ZCWPW2: variants seen among roughly 807,000 people sequenced by gnomAD.
ZCWPW2 encodes zinc finger CW-type and PWWP domain containing 2, also known as zinc finger CW-type PWWP domain protein 2.
A neutral mutation model predicts 46.6 loss-of-function variants in ZCWPW2; 45 were observed. The ratio of observed to expected loss-of-function variants is 0.96; its 90% CI spans 0.76 to 1.24. The LOEUF (loss-of-function observed/expected upper bound fraction) is 1.24, where lower values mean the gene tolerates loss of function less well. Among genes scored for constraint, ZCWPW2 ranks in the 50% most tolerant of loss-of-function variants. ZCWPW2 has a pLI of 0.00. For synonymous variants in ZCWPW2, 152 were observed against 137.1 expected (o/e 1.11, Z -0.76); for missense variants, 429 against 403.9 (o/e 1.06, Z -0.53).
chr3:28,379,918 AC>A (rs1705620858), intron 1 of ZCWPW2, among the ~76,000 whole-genome samples: 1 of 152,128 alleles, frequency 6.6e-6, no homozygotes, highest in Non-Finnish European at 1.5e-5. Context: ...TAATCTTGGA[AC>A]AAAAACATTA....
chr3:28,364,413 A>G (rs181880026), intron 1 of ZCWPW2, among the ~76,000 whole-genome samples: 13 of 152,128 alleles, frequency 8.5e-5, no homozygotes, highest in Admixed American at 6.5e-4. Context: ...TTGTGCTGCT[A>G]TAAACATACG....
chr3:28,375,811 G>T (rs1204489754), intron 1 of ZCWPW2, among the ~76,000 whole-genome samples: 1 of 150,766 alleles, frequency 6.6e-6, no homozygotes, highest in African/African-American at 2.4e-5. Flanking sequence ...CTAACTTCTG[G>T]CAACCATTCT....
chr3:28,489,977 C>A (rs1197997776), intron 5 of ZCWPW2, among the ~76,000 whole-genome samples: 1 of 151,166 alleles, frequency 6.6e-6, no homozygotes, highest in Non-Finnish European at 1.5e-5. Context: ...TTATAATAAG[C>A]AAAAAATAAC....
At position 28,431,462 on chromosome 3, in the gene ZCWPW2, G is replaced by A. The variant is rs1284532146; in HGVS notation, c.333-3648G>A. Among the ~76,000 whole-genome samples, 3 of 151,910 alleles carry A rather than the reference G, an allele frequency of 2.0e-5. No individual in the cohort carries two copies. The South Asian group carries it at 6.2e-4, about 32-fold the overall frequency. On this transcript the variant is annotated intron_variant, in intron 3 of 9. Coordinates refer to ENST00000383768, the MANE Select transcript of ZCWPW2 (RefSeq NM_001040432.4). ...TATTTTCTTGCTGTGCCCTATCATG[G>A]TCTTCCTTCTGTGCATGTCTGTCTT...
At chr3:28,391,880 G>C (rs969222489) in intron 2 of ZCWPW2, among the ~76,000 whole-genome samples, 11 of 151,944 alleles carry the variant, frequency 7.2e-5, no homozygotes, top group Admixed American at 7.2e-4. Context: ...AGCCCCTAGA[G>C]AAAGACAGGA....
intron 3 of ZCWPW2, among the ~76,000 whole-genome samples, chr3:28,420,446 C>G (rs1409543559): frequency 6.6e-6 from 1 of 151,990 alleles, no homozygotes; most frequent in Non-Finnish European, 1.5e-5. Context: ...TCCTGATCCT[C>G]TCCCTCCTCC....
chr3:28,424,008 C>T (rs932631996), intron 3 of ZCWPW2, among the ~76,000 whole-genome samples: 2 of 151,918 alleles, frequency 1.3e-5, no homozygotes, highest in Non-Finnish European at 2.9e-5. Flanking sequence ...TATAGTTGCC[C>T]TACCTGTATT....
rs560905711 is a variant in ZCWPW2 at position 28,525,557 on chromosome 3, C to T, written c.*869C>T. 3.9e-5 allele frequency among the ~76,000 whole-genome samples: 6 copies of T among 152,132 alleles called. No individual in the cohort carries two copies. The highest frequency in any genetic ancestry group is 1.4e-4 in the African/African-American group (6 of 41,526). ...AAAGGGCATTCCAAGCACATAAAAACCAAAGCTTGAGGAGAGAAGAAGTGC... is the reference window on the plus strand; with the variant it reads ...AAAGGGCATTCCAAGCACATAAAAATCAAAGCTTGAGGAGAGAAGAAGTGC... On this transcript the variant is annotated 3_prime_UTR_variant, in exon 10 of 10. Coordinates refer to ENST00000383768, the MANE Select transcript of ZCWPW2 (RefSeq NM_001040432.4).
intron 3 of ZCWPW2, among the ~76,000 whole-genome samples, chr3:28,414,509 A>G (rs1269253030): frequency 6.6e-6 from 1 of 151,512 alleles, no homozygotes; most frequent in Non-Finnish European, 1.5e-5. Context: ...CACAACGTGC[A>G]GGTTTGTTAC....
At chr3:28,417,120 A>G (rs559343592) in intron 3 of ZCWPW2, among the ~76,000 whole-genome samples, 1 of 151,594 alleles carries the variant, frequency 6.6e-6, no homozygotes, top group South Asian at 2.1e-4. Context: ...ACTAATAAAG[A>G]AGAAAAGACA....
intron 9 of ZCWPW2, among the ~76,000 whole-genome samples, 197 bp downstream of exon 9, chr3:28,521,313 C>T (rs1316050263): frequency 6.6e-6 from 1 of 152,128 alleles, no homozygotes; most frequent in Non-Finnish European, 1.5e-5. Flanking sequence ...ATTTGAAAAA[C>T]AATCTGTGTT....
intron 1 of ZCWPW2, among the ~76,000 whole-genome samples, chr3:28,369,157 C>G (rs1048359483): frequency 5.9e-5 from 9 of 152,184 alleles, no homozygotes; most frequent in African/African-American, 2.2e-4. Context: ...CTTCTCTCAA[C>G]TCGTCAAAGT....
intron 1 of ZCWPW2, among the ~76,000 whole-genome samples, chr3:28,360,895 G>A (rs553094708): frequency 5.5e-4 from 83 of 152,126 alleles, no homozygotes; most frequent in Non-Finnish European, 8.4e-4. Flanking sequence ...CTGGCATAAA[G>A]ATAGACATAT....
chr3:28,358,329 A>G (rs1704816876), intron 1 of ZCWPW2, among the ~76,000 whole-genome samples: 1 of 152,134 alleles, frequency 6.6e-6, no homozygotes, highest in South Asian at 2.1e-4. Flanking sequence ...GCTCTTATAA[A>G]TACTGCCAAC....
intron 6 of ZCWPW2, 93 bp from the exon 7 acceptor site, chr3:28,513,971 G>A (rs1700496051): frequency 9.8e-7 from 1 of 1,017,512 alleles, no homozygotes; most frequent in Non-Finnish European, 1.3e-6. Flanking sequence ...TGTTTCTTCT[G>A]ACCAAATTAC....
chr3:28,428,206 T>C (rs1240626787), intron 3 of ZCWPW2: 1 of 151,976 alleles, frequency 6.6e-6, no homozygotes, highest in Non-Finnish European at 1.5e-5. Flanking sequence ...AACCAGAGAG[T>C]CTTCTTCATT....
At chr3:28,470,474 C>A (rs1698997120) in intron 4 of ZCWPW2, among the ~76,000 whole-genome samples, 2 of 124,142 alleles carry the variant, frequency 1.6e-5, no homozygotes, top group African/African-American at 3.1e-5. Context: ...AGCCTGGTGA[C>A]AGAGCGAGAC....
chr3:28,479,008 A>T, intron 5 of ZCWPW2, 77 bp downstream of exon 5: 1 of 941,752 alleles, frequency 1.1e-6, no homozygotes, highest in Non-Finnish European at 1.6e-6. Flanking sequence ...ATGTTTGCTC[A>T]TTCAAAAATC....
At chr3:28,494,559 T>G (rs1230429422) in intron 6 of ZCWPW2, among the ~76,000 whole-genome samples, 1 of 151,766 alleles carries the variant, frequency 6.6e-6, no homozygotes, top group Non-Finnish European at 1.5e-5. Context: ...TTCAACATAG[T>G]GTTGGAAGTT....
Sources: gnomAD v4.1 joint callset for allele counts (sites outside exome capture counted in the v4.1 genomes callset) on GRCh38, gnomAD v4.1.1 for gene constraint, MANE v1.5 for transcripts, NCBI Gene and HGNC (gene_info 2026-07-23, HGNC 2026-07-21) for gene names.